The following UGT1A5 variants were observed in gnomAD, a reference collection of about 807,000 sequenced individuals.
UGT1A5 encodes UDP-glucuronosyltransferase 1A5.
Under a neutral mutation model 40.3 loss-of-function variants are expected in UGT1A5, and 29 were observed. The ratio of observed to expected loss-of-function variants is 0.72; its 90% CI spans 0.54 to 0.98. UGT1A5 has a LOEUF of 0.98. Ranked by LOEUF, UGT1A5 falls within the 50% of genes least tolerant of loss-of-function variation. UGT1A5 has a pLI of 0.00. For missense variants in UGT1A5, 678 were observed against 677.9 expected (o/e 1.00, Z 0.00); for synonymous variants, 257 against 262.5 (o/e 0.98, Z 0.20).
chr2:233,722,502 G>A (rs773612729), intron 1 of UGT1A5, among the ~76,000 whole-genome samples: 5 of 152,056 alleles, frequency 3.3e-5, no homozygotes, highest in African/African-American at 9.7e-5. Context: ...TTTCCGTTTC[G>A]TTAATTGCAG....
intron 1 of UGT1A5, among the ~76,000 whole-genome samples, chr2:233,747,015 G>C (rs911515983): frequency 6.6e-6 from 1 of 151,822 alleles, no homozygotes; most frequent in African/African-American, 2.4e-5. Flanking sequence ...AGGAGTGATC[G>C]GTCTTTCCCG....
At chr2:233,761,218 C>G in intron 1 of UGT1A5, 1 of 1,613,694 alleles carries the variant, frequency 6.2e-7, no homozygotes, top group Non-Finnish European at 8.5e-7. Context: ...GATCGATTAA[C>G]TAGCCCCAGA....
intron 1 of UGT1A5, among the ~76,000 whole-genome samples, chr2:233,749,893 C>G (rs141027223): frequency 8.5e-5 from 13 of 152,056 alleles, no homozygotes; most frequent in East Asian, 5.8e-4. Context: ...GAGGCTCCCC[C>G]CTCCAGCCAC....
intron 1 of UGT1A5, among the ~76,000 whole-genome samples, chr2:233,746,783 T>C (rs1194823127): frequency 6.6e-6 from 1 of 151,828 alleles, no homozygotes; most frequent in East Asian, 1.9e-4. Flanking sequence ...TGGTTTTCTG[T>C]TGTAATTCAT....
chr2:233,744,339 T>G (rs368123082), intron 1 of UGT1A5, among the ~76,000 whole-genome samples: 1 of 151,880 alleles, frequency 6.6e-6, no homozygotes, highest in African/African-American at 2.4e-5. Context: ...TTAGTCTGAC[T>G]GGGGCTGAAG....
At chr2:233,721,755 T>C in intron 1 of UGT1A5, 1 of 459,594 alleles carries the variant, frequency 2.2e-6, no homozygotes, top group Non-Finnish European at 4.3e-6. Flanking sequence ...AATCTACATC[T>C]AAATTGTTAT....
chr2:233,738,751 A>G (rs1205771191), intron 1 of UGT1A5, among the ~76,000 whole-genome samples: 1 of 152,150 alleles, frequency 6.6e-6, no homozygotes, highest in Non-Finnish European at 1.5e-5. Context: ...ATGTGGTAGA[A>G]AAGAAAAACC....
chr2:233,744,010 C>T, intron 1 of UGT1A5: 1 of 1,130,886 alleles, frequency 8.8e-7, no homozygotes, highest in Non-Finnish European at 1.2e-6. Context: ...GAGACCTGGG[C>T]CGCCTGGAGA....
At chr2:233,719,075 C>A in intron 1 of UGT1A5, 17 of 1,614,240 alleles carry the variant, frequency 1.1e-5, no homozygotes, top group Non-Finnish European at 1.4e-5. Flanking sequence ...TTCCATGGAC[C>A]CAGAAGGAAT....
chr2:233,741,913 G>T (rs539186110), intron 1 of UGT1A5: 3 of 151,962 alleles, frequency 2.0e-5, no homozygotes, highest in African/African-American at 4.9e-5. Flanking sequence ...GATGGAAAAG[G>T]TCTTCATTTG....
At chr2:233,718,992 G>T (rs746825567) in intron 1 of UGT1A5, 3 of 1,614,262 alleles carry the variant, frequency 1.9e-6, no homozygotes, top group Non-Finnish European at 2.5e-6. Flanking sequence ...AGGCCACCAG[G>T]CGGTGGTCCT....
intron 1 of UGT1A5, among the ~76,000 whole-genome samples, chr2:233,732,885 A>G (rs1356305155): frequency 6.6e-6 from 1 of 150,402 alleles, no homozygotes; most frequent in Non-Finnish European, 1.5e-5. Flanking sequence ...CATTGAATCT[A>G]TAAATTACCT....
intron 1 of UGT1A5, chr2:233,730,081 C>G: frequency 1.2e-6 from 2 of 1,603,798 alleles, no homozygotes; most frequent in Non-Finnish European, 8.5e-7. Context: ...TCCATATTTA[C>G]TTATCTTTCC....
chr2:233,749,875 A>C (rs747231604), intron 1 of UGT1A5, among the ~76,000 whole-genome samples: 2 of 151,930 alleles, frequency 1.3e-5, no homozygotes, highest in Non-Finnish European at 2.9e-5. Context: ...CAGGATTATA[A>C]GTTTCCTGAG....
chr2:233,729,379 A>C, intron 1 of UGT1A5: 1 of 1,613,990 alleles, frequency 6.2e-7, no homozygotes, highest in South Asian at 1.1e-5. Context: ...CATTTCGTGG[A>C]CCCAGGATGA....
intron 1 of UGT1A5, chr2:233,748,131 A>C: frequency 6.2e-7 from 1 of 1,610,240 alleles, no homozygotes; most frequent in Non-Finnish European, 8.5e-7. Context: ...ACAGTTTTTA[A>C]AAATTGTATT....
rs1413037235 is a variant in UGT1A5, at chr2:233,728,990, C to T, written c.867+15132C>T. 4.6e-6 allele frequency: 7 copies of T among 1,537,926 alleles called. No homozygotes were observed. In the Admixed American group the frequency reaches 1.1e-4, roughly 25 times the overall value. On this transcript the variant is annotated intron_variant, in intron 1 of 4. Coordinates refer to ENST00000373414, the MANE Select transcript of UGT1A5 (RefSeq NM_019078.2). ...TGATAGATTAATGGTTAATAATTAA[C>T]TAGAGGAGGGCACTCTGTCTTCCAA...
intron 1 of UGT1A5, among the ~76,000 whole-genome samples, chr2:233,720,981 G>T (rs746699495): frequency 6.6e-6 from 1 of 151,748 alleles, no homozygotes; most frequent in Non-Finnish European, 1.5e-5. Context: ...AAAGTGCTGG[G>T]ATTACAGGCA....
At chr2:233,761,212 G>T in intron 1 of UGT1A5, 1 of 1,613,674 alleles carries the variant, frequency 6.2e-7, no homozygotes, top group Non-Finnish European at 8.5e-7. Flanking sequence ...ACTTTGGATC[G>T]ATTAACTAGC....
Sources: gnomAD v4.1 joint callset for allele counts (sites outside exome capture counted in the v4.1 genomes callset) on GRCh38, gnomAD v4.1.1 for gene constraint, MANE v1.5 for transcripts, NCBI Gene and HGNC (gene_info 2026-07-23, HGNC 2026-07-21) for gene names.